Variants in PDE2A observed in about 807,000 individuals in gnomAD.
PDE2A encodes phosphodiesterase 2A.
In PDE2A, 53 loss-of-function variants were observed where a neutral mutation model predicts 133.6. The ratio of observed to expected loss-of-function variants is 0.40; its 90% CI spans 0.32 to 0.50. The LOEUF (loss-of-function observed/expected upper bound fraction) is 0.50, where lower values mean the gene tolerates loss of function less well. PDE2A is among the 20% of genes least tolerant of loss of function. The pLI, the probability that PDE2A is intolerant of heterozygous loss-of-function variation, is 0.73. For missense variants in PDE2A, 796 were observed against 1,232.4 expected, an observed-to-expected ratio of 0.65 and a Z score of 5.30; for synonymous variants, 491 against 490.2, an observed-to-expected ratio of 1.00 and a Z score of -0.02.
In PDE2A at chr11:72,582,461, C is replaced by T. The variant is rs758846850; in HGVS notation, c.1834G>A (p.Glu612Lys). The change falls in exon 21 of 31, where the codon GAG becomes AAG. Residue 612 changes from glutamate to lysine, a missense_variant. Physicochemically the swap from Glu to Lys is moderately conservative, Grantham distance 56 (BLOSUM62 1). Transcript: ENST00000334456. The stretch of plus-strand genomic sequence containing the variant: ...CAACTCACCATGGACGTGTCATCCT[C>T]GGGCAGGGAACGAGGGGTATAGGTG... The part of the protein sequence containing the change: ...SFTYTPRSLP[E>K]DDTSMAILSM... 1.2e-6 allele frequency: 2 copies of T among 1,613,966 alleles called. No individual in the cohort carries two copies. Among genetic ancestry groups the T allele is most frequent in the South Asian group, 1.1e-5 (1 of 91,068 alleles).
intron 25 of PDE2A, 34 bp from the exon 26 acceptor site, chr11:72,579,642 G>C: frequency 6.9e-7 from 1 of 1,452,470 alleles, no homozygotes; most frequent in Non-Finnish European, 9.6e-7. Flanking sequence ...GCCCAGCTGG[G>C]GCAGATGGGC....
intron 2 of PDE2A, chr11:72,621,794 T>C (rs1304828755): frequency 6.6e-6 from 1 of 152,178 alleles, no homozygotes; most frequent in Non-Finnish European, 1.5e-5. Flanking sequence ...AGAATTTGTC[T>C]AGCAGGTTTT....
intron 2 of PDE2A, among the ~76,000 whole-genome samples, chr11:72,625,700 C>A (rs977038876): frequency 6.6e-6 from 1 of 152,094 alleles, no homozygotes; most frequent in Non-Finnish European, 1.5e-5. Flanking sequence ...CCATCTGCTC[C>A]CACCTCTCCC....
At chr11:72,660,184 C>T (rs2135456984) in intron 1 of PDE2A, among the ~76,000 whole-genome samples, 1 of 152,340 alleles carries the variant, frequency 6.6e-6, no homozygotes, top group African/African-American at 2.4e-5. Flanking sequence ...ACTCATTATA[C>T]ACTTTAAATT....
intron 22 of PDE2A, among the ~76,000 whole-genome samples, 155 bp downstream of exon 22, chr11:72,581,722 G>A (rs1358673460): frequency 1.3e-5 from 2 of 152,146 alleles, no homozygotes; most frequent in Non-Finnish European, 2.9e-5. Context: ...CAGTGTCTAG[G>A]AATTGCTTCT....
rs1856210915 is a variant in PDE2A, at chr11:72,590,773, G to A, written c.550-193C>T. Among the ~76,000 whole-genome samples, 1 of 152,150 alleles carries A rather than the reference G, an allele frequency of 6.6e-6. No homozygotes were observed. Among genetic ancestry groups the A allele is most frequent in the Non-Finnish European group, 1.5e-5 (1 of 68,016 alleles). ...CGGGGGCTCCCACAGCCCCTGGAGCGTCCGGCGGTCCAGGAACAGGAGGGT... is the reference window on the plus strand; with the variant it reads ...CGGGGGCTCCCACAGCCCCTGGAGCATCCGGCGGTCCAGGAACAGGAGGGT... On this transcript the variant is annotated intron_variant, in intron 7 of 30. Transcript: ENST00000334456. This position sits in a 1 kb window ranked among gnomAD's most constrained non-coding sequence, Gnocchi z 4.8.
Position 72,578,351 on chromosome 11 carries a change from G to A in PDE2A, c.2509-12C>T, listed in dbSNP as rs776235118. 11 of 1,598,376 alleles carry A rather than the reference G, an allele frequency of 6.9e-6. No individual in the cohort carries two copies. Among genetic ancestry groups the A allele is most frequent in the African/African-American group, 1.3e-5 (1 of 74,568 alleles). On this transcript the variant is annotated splice_polypyrimidine_tract_variant and intron_variant, in intron 29 of 30. Coordinates refer to ENST00000334456, the MANE Select transcript of PDE2A (RefSeq NM_002599.5). This position sits in a 1 kb window ranked among gnomAD's most constrained non-coding sequence, Gnocchi z 4.2. ...CCCATGGCCTTCTCCTGCAGGCATC[G>A]AGTCGTCAGGCCTGTCCCTCTCATT...
intron 2 of PDE2A, among the ~76,000 whole-genome samples, chr11:72,639,821 G>T (rs931566063): frequency 2.0e-5 from 3 of 152,124 alleles, no homozygotes; most frequent in Admixed American, 2.0e-4. Flanking sequence ...AACATTCCAG[G>T]GCATCTCTAG....
chr11:72,638,738 C>T (rs1243044865), intron 2 of PDE2A, among the ~76,000 whole-genome samples: 1 of 152,156 alleles, frequency 6.6e-6, no homozygotes, highest in Non-Finnish European at 1.5e-5. Flanking sequence ...AAATAACTGC[C>T]TAAAAGATGA....
At chr11:72,582,732 A>T (rs1214683352) in intron 20 of PDE2A, among the ~76,000 whole-genome samples, 166 bp from the exon 21 acceptor site, 1 of 152,114 alleles carries the variant, frequency 6.6e-6, no homozygotes, top group Non-Finnish European at 1.5e-5. Context: ...CTCCCCTCAC[A>T]GCCCTGCAGC....
At chr11:72,667,484 C>A (rs1284243670) in intron 1 of PDE2A, among the ~76,000 whole-genome samples, 1 of 152,166 alleles carries the variant, frequency 6.6e-6, no homozygotes, top group Non-Finnish European at 1.5e-5. Flanking sequence ...TTCAGCAGGG[C>A]CCTCATGTCC....
chr11:72,605,309 GC>G (rs1191672162), intron 3 of PDE2A, 83 bp from the exon 4 acceptor site: 1 of 658,558 alleles, frequency 1.5e-6, no homozygotes, highest in East Asian at 3.1e-5. Context: ...GGTCTGTGGG[GC>G]AAGGTCATGG....
At chr11:72,613,225 G>A (rs771579404) in intron 2 of PDE2A, among the ~76,000 whole-genome samples, 39 of 152,046 alleles carry the variant, frequency 2.6e-4, no homozygotes, top group Non-Finnish European at 4.6e-4. Flanking sequence ...AAGCCTCACA[G>A]TGCCCCTCAC....
At chr11:72,657,848 T>C (rs1405940174) in intron 1 of PDE2A, 1 of 455,796 alleles carries the variant, frequency 2.2e-6, no homozygotes, top group East Asian at 6.9e-5. Flanking sequence ...TATGTGCACC[T>C]ACTGTGTGTC....
intron 2 of PDE2A, among the ~76,000 whole-genome samples, chr11:72,619,200 C>T (rs1857625875): frequency 6.6e-6 from 1 of 152,172 alleles, no homozygotes; most frequent in African/African-American, 2.4e-5. Context: ...CTCGGACCCT[C>T]TATACAATTC....
intron 2 of PDE2A, among the ~76,000 whole-genome samples, chr11:72,617,895 G>A (rs1349401882): frequency 6.6e-6 from 1 of 152,160 alleles, no homozygotes; most frequent in Non-Finnish European, 1.5e-5. Context: ...CCTAAAAATA[G>A]CCTTTCTCTT....
At chr11:72,591,625 T>C in intron 6 of PDE2A, among the ~76,000 whole-genome samples, 1 of 152,036 alleles carries the variant, frequency 6.6e-6, no homozygotes. Flanking sequence ...ACAGTCCGGG[T>C]GTATGGTTCA....
At chr11:72,645,725 G>A (rs1859113219) in intron 1 of PDE2A, among the ~76,000 whole-genome samples, 2 of 152,388 alleles carry the variant, frequency 1.3e-5, no homozygotes, top group South Asian at 4.1e-4. Flanking sequence ...CCATGGAGGT[G>A]AGGGCCAGGG....
intron 6 of PDE2A, 117 bp downstream of exon 6, chr11:72,596,476 T>TCACACACACACACA (rs760226055): frequency 8.7e-6 from 2 of 230,820 alleles, no homozygotes; most frequent in African/African-American, 7.8e-5. Context: ...TCTCTCTCTC[T>TCACACACACACACA]CTCTCTCTCA....
Sources: allele counts gnomAD v4.1 joint callset (sites outside exome capture counted in the v4.1 genomes callset), GRCh38; gene constraint gnomAD v4.1.1; non-coding constraint Gnocchi (gnomAD v3.1); transcripts MANE v1.5; gene names NCBI Gene and HGNC (gene_info 2026-07-23, HGNC 2026-07-21).